The following FTCDNL1 variants were observed in gnomAD, a reference collection of about 807,000 sequenced individuals.
FTCDNL1 encodes the protein formiminotransferase cyclodeaminase N-terminal like.
FTCDNL1 carries 11 observed loss-of-function variants against 5.9 expected under a neutral mutation model. The observed-to-expected ratio is 1.87, with a 90% CI of 1.18 to 3.10. The LOEUF is 3.10. Among genes scored for constraint, FTCDNL1 ranks in the 30% most tolerant of loss-of-function variants. FTCDNL1 has a pLI of 0.00. For missense variants in FTCDNL1, 115 were observed against 65.5 expected (o/e 1.76, Z -2.61); for synonymous variants, 58 against 24.8 (o/e 2.34, Z -3.99).
At chr2:199,716,033 TAAAAAAAAAAAA>T in the FTCDNL1 span, among the ~76,000 whole-genome samples, 5,665 of 108,990 alleles carry the variant, frequency 0.052, 197 homozygotes, top group Non-Finnish European at 0.063. Context: ...TGCCTCTAGT[TAAAAAAAAAAAA>T]AAAAAAAAAA....
At chr2:199,844,493 GC>G (rs2076676786) in intron 3 of FTCDNL1, 1 of 660,056 alleles carries the variant, frequency 1.5e-6, no homozygotes. Flanking sequence ...CATATCGATA[GC>G]CTGGAAGGCC....
At chr2:199,703,654 G>C in the FTCDNL1 span, among the ~76,000 whole-genome samples, 1 of 152,012 alleles carries the variant, frequency 6.6e-6, no homozygotes, top group Non-Finnish European at 1.5e-5. Flanking sequence ...TTGCCTACAG[G>C]GTACTATGCT....
At chr2:199,842,200 G>A (rs1404234496) in intron 3 of FTCDNL1, among the ~76,000 whole-genome samples, 5 of 151,970 alleles carry the variant, frequency 3.3e-5, no homozygotes, top group Admixed American at 6.6e-5. Flanking sequence ...TCTGGGAGGC[G>A]GAGGTTGTAG....
chr2:199,812,485 G>C lies in FTCDNL1; in HGVS notation c.*220C>G, dbSNP rs1701091049. ...CTAAGAAGGTATTTTAAATGAGAGA[G>C]ATAATTAATCCCAGCAAATCGTATT... On this transcript the variant is annotated 3_prime_UTR_variant, in exon 5 of 5. Transcript: ENST00000420128. 2.3e-6 allele frequency: 1 copy of C among 443,052 alleles called. No homozygotes were observed. The highest frequency in any genetic ancestry group is 5.8e-5 in the South Asian group (1 of 17,256). 27.4% of individuals were successfully genotyped at this position (443,052 alleles called of 1,614,324 possible). A position where few individuals can be genotyped will look rare whatever the true frequency, so the allele number is the denominator to read the frequency against.
intron 3 of FTCDNL1, among the ~76,000 whole-genome samples, chr2:199,799,230 G>A (rs1007994247): frequency 1.3e-5 from 2 of 152,126 alleles, no homozygotes; most frequent in Admixed American, 6.5e-5. Flanking sequence ...CAATCGTAAA[G>A]CTGAGTTTTT....
chr2:199,779,099 T>A (rs1699232179), intron 3 of FTCDNL1, among the ~76,000 whole-genome samples: 1 of 152,234 alleles, frequency 6.6e-6, no homozygotes, highest in Non-Finnish European at 1.5e-5. Context: ...TTAAAAGTCC[T>A]GTTTTCCTTA....
the FTCDNL1 span, among the ~76,000 whole-genome samples, chr2:199,741,906 C>T: frequency 1.4e-4 from 21 of 152,154 alleles, no homozygotes; most frequent in African/African-American, 4.8e-4. Flanking sequence ...AACATATCGA[C>T]GAATCTGGGG....
chr2:199,734,772 G>A, the FTCDNL1 span, among the ~76,000 whole-genome samples: 4 of 152,162 alleles, frequency 2.6e-5, no homozygotes, highest in East Asian at 7.7e-4. Context: ...AGTTTGCTAA[G>A]GGGATTCACT....
At chr2:199,664,554 T>C in the FTCDNL1 span, among the ~76,000 whole-genome samples, 1 of 152,348 alleles carries the variant, frequency 6.6e-6, no homozygotes, top group Non-Finnish European at 1.5e-5. Flanking sequence ...ATTATAATAC[T>C]ATACTTTTAA....
chr2:199,733,225 A>C, the FTCDNL1 span, among the ~76,000 whole-genome samples: 5 of 152,254 alleles, frequency 3.3e-5, no homozygotes, highest in Non-Finnish European at 5.9e-5. Flanking sequence ...GCCAATCAGC[A>C]GGAAAGCGTA....
At chr2:199,842,964 A>T (rs899468650) in intron 3 of FTCDNL1, among the ~76,000 whole-genome samples, 3 of 152,188 alleles carry the variant, frequency 2.0e-5, no homozygotes, top group African/African-American at 7.2e-5. Flanking sequence ...ACTTAAAAAA[A>T]ATTTGGATGA....
chr2:199,822,365 C>G (rs977710078), intron 3 of FTCDNL1, among the ~76,000 whole-genome samples: 2 of 152,176 alleles, frequency 1.3e-5, no homozygotes, highest in African/African-American at 4.8e-5. Flanking sequence ...GATCATGCCA[C>G]TGTACTCCAG....
At chr2:199,697,211 G>T in the FTCDNL1 span, among the ~76,000 whole-genome samples, 21 of 152,156 alleles carry the variant, frequency 1.4e-4, no homozygotes, top group African/African-American at 4.6e-4. Flanking sequence ...GGCAGAGCTT[G>T]CAATGAGCAG....
the FTCDNL1 span, among the ~76,000 whole-genome samples, chr2:199,671,692 C>A: frequency 6.6e-5 from 10 of 152,126 alleles, no homozygotes; most frequent in African/African-American, 2.4e-4. Flanking sequence ...TCCATGTTCT[C>A]TTCCAGATTG....
downstream of FTCDNL1, among the ~76,000 whole-genome samples, chr2:199,806,184 G>A (rs1271451248): frequency 6.6e-6 from 1 of 152,182 alleles, no homozygotes; most frequent in African/African-American, 2.4e-5. Flanking sequence ...AGAGATTGCT[G>A]AGGGTGTTCT....
the FTCDNL1 span, among the ~76,000 whole-genome samples, chr2:199,671,440 GC>G: frequency 5.9e-5 from 9 of 151,580 alleles, no homozygotes; most frequent in South Asian, 1.9e-3. Context: ...GTAGGCAAGA[GC>G]CCTAATTACA....
At chr2:199,711,483 T>G in the FTCDNL1 span, among the ~76,000 whole-genome samples, 4 of 152,132 alleles carry the variant, frequency 2.6e-5, no homozygotes, top group African/African-American at 9.7e-5. Flanking sequence ...ATTTTTTCAA[T>G]CATTTTTCCC....
chr2:199,704,258 TC>T, the FTCDNL1 span, among the ~76,000 whole-genome samples: 1 of 152,116 alleles, frequency 6.6e-6, no homozygotes, highest in African/African-American at 2.4e-5. Context: ...TAAAAATCTG[TC>T]CTTGGCATGA....
At chr2:199,684,907 T>C in the FTCDNL1 span, among the ~76,000 whole-genome samples, 3 of 152,184 alleles carry the variant, frequency 2.0e-5, no homozygotes, top group Admixed American at 2.0e-4. Context: ...TAGAAATAGA[T>C]CTAAACTGTA....
Sources: gnomAD v4.1 joint callset for allele counts (sites outside exome capture counted in the v4.1 genomes callset) on GRCh38, gnomAD v4.1.1 for gene constraint, MANE v1.5 for transcripts, NCBI Gene and HGNC (gene_info 2026-07-23, HGNC 2026-07-21) for gene names.